The following PARP1 variants were observed in gnomAD, a reference collection of about 807,000 sequenced individuals.
The protein encoded by PARP1 is poly(ADP-ribose) polymerase 1.
Under a neutral mutation model 118.7 loss-of-function variants are expected in PARP1, and 44 were observed. The ratio of observed to expected loss-of-function variants is 0.37; its 90% CI spans 0.29 to 0.48. PARP1 has a LOEUF of 0.48. Among genes scored for constraint, PARP1 ranks in the 20% least tolerant of loss-of-function variants. PARP1 has a pLI of 0.99. For synonymous variants in PARP1, 492 were observed against 483.2 expected (o/e 1.02, Z -0.24); for missense variants, 1,100 against 1,272.4 (o/e 0.86, Z 2.06).
chr1:226,386,570 C>A (rs1044432598), intron 5 of PARP1, 128 bp from the exon 6 acceptor site: 6 of 767,408 alleles, frequency 7.8e-6, no homozygotes, highest in Admixed American at 3.5e-5. Context: ...CCCTGCAAAT[C>A]TGGGTGATTA....
intron 1 of PARP1, among the ~76,000 whole-genome samples, chr1:226,404,956 C>G (rs1665114944): frequency 6.6e-6 from 1 of 152,160 alleles, no homozygotes; most frequent in Non-Finnish European, 1.5e-5. Flanking sequence ...CAGAGCAACT[C>G]AAAGGTCTAC....
intron 2 of PARP1, among the ~76,000 whole-genome samples, chr1:226,396,176 T>C (rs1375815356): frequency 6.6e-6 from 1 of 151,942 alleles, no homozygotes; most frequent in Non-Finnish European, 1.5e-5. Context: ...TGAAACCCCA[T>C]CTCTACTAAA....
chr1:226,380,967 A>G (rs1558237539), intron 9 of PARP1, 101 bp downstream of exon 9: 1 of 1,336,106 alleles, frequency 7.5e-7, no homozygotes, highest in Admixed American at 1.7e-5. Context: ...GTTAAGATCC[A>G]GTTTTTCAGC....
intron 18 of PARP1, among the ~76,000 whole-genome samples, 159 bp downstream of exon 18, chr1:226,365,795 A>AC (rs1168456300): frequency 1.3e-5 from 2 of 150,750 alleles, no homozygotes; most frequent in African/African-American, 2.4e-5. Context: ...CAAACAAACA[A>AC]AAAAAAAACT....
intron 9 of PARP1, 60 bp downstream of exon 9, chr1:226,381,008 C>T (rs1664593618): frequency 1.3e-6 from 2 of 1,591,472 alleles, no homozygotes; most frequent in South Asian, 1.1e-5. Context: ...ACTTACTCGT[C>T]ATCACAATCA....
At chr1:226,372,887 C>T (rs533756212) in intron 14 of PARP1, among the ~76,000 whole-genome samples, 2 of 152,248 alleles carry the variant, frequency 1.3e-5, no homozygotes, top group East Asian at 1.9e-4. Context: ...CCTCCACCTC[C>T]GTCCCTCATT....
At chr1:226,396,939 T>G (rs995606301) in intron 2 of PARP1, among the ~76,000 whole-genome samples, 1 of 152,036 alleles carries the variant, frequency 6.6e-6, no homozygotes, top group Non-Finnish European at 1.5e-5. Flanking sequence ...AACATATCTA[T>G]GCCCCTAAAC....
intron 2 of PARP1, among the ~76,000 whole-genome samples, chr1:226,400,496 C>T (rs1665013350): frequency 6.6e-6 from 1 of 152,242 alleles, no homozygotes; most frequent in African/African-American, 2.4e-5. Context: ...TGTAGTTCAT[C>T]TGTATCCCCA....
intron 13 of PARP1, among the ~76,000 whole-genome samples, chr1:226,376,768 G>A (rs945235966): frequency 2.6e-5 from 4 of 152,166 alleles, no homozygotes; most frequent in African/African-American, 9.7e-5. Context: ...AATCCCACTT[G>A]GGAGTGGTGT....
At chr1:226,367,224 T>C in intron 17 of PARP1, 1 of 517,826 alleles carries the variant, frequency 1.9e-6, no homozygotes. Flanking sequence ...AAAAATAAAT[T>C]TGTACGCCAA....
At chr1:226,372,398 G>A (rs1354062380) in intron 14 of PARP1, among the ~76,000 whole-genome samples, 1 of 152,240 alleles carries the variant, frequency 6.6e-6, no homozygotes, top group Non-Finnish European at 1.5e-5. Context: ...CAGGCTGGGG[G>A]CCATGGCTCA....
rs1465164550 is a variant in PARP1 at position 226,377,877 on chromosome 1, TCAAAG to T, written c.1746-579_1746-575del. Among the ~76,000 whole-genome samples the T allele has an allele frequency of 4.6e-5, 7 of 152,172 alleles. No individual in the cohort carries two copies. In the East Asian group the frequency reaches 1.4e-3, roughly 29 times the overall value. On this transcript the variant is annotated intron_variant, in intron 12 of 22. Transcript: ENST00000366794. ...TTGGATGAGCTAATTTTTGATTAAC[TCAAAG>T]CAGAGGTAATGCAACACTTAATTGT...
chr1:226,374,060 G>C (rs2377312), intron 14 of PARP1, among the ~76,000 whole-genome samples, 166 bp downstream of exon 14: 122,231 of 152,132 alleles, frequency 0.8, 49,574 homozygotes, highest in Middle Eastern at 0.87. Flanking sequence ...AACCACTCCA[G>C]GCCCCAACAC....
chr1:226,368,494 G>C (rs1664317631), intron 15 of PARP1, among the ~76,000 whole-genome samples, 173 bp from the exon 16 acceptor site: 2 of 152,204 alleles, frequency 1.3e-5, no homozygotes, highest in African/African-American at 4.8e-5. Flanking sequence ...TTAAAGAGCA[G>C]GGCAGGACCC....
intron 12 of PARP1, 94 bp downstream of exon 12, chr1:226,379,048 G>C: frequency 6.9e-7 from 1 of 1,448,944 alleles, no homozygotes; most frequent in Non-Finnish European, 9.7e-7. Flanking sequence ...CAGGCACTGG[G>C]CCTAACGGGT....
rs1000277161 is a variant in PARP1 at position 226,388,581 on chromosome 1, G to C, written c.717+75C>G. 15 of 1,056,802 alleles carry C rather than the reference G, an allele frequency of 1.4e-5. 1 individual carries two copies. The South Asian group carries it at 1.9e-4, about 13-fold the overall frequency. 65.5% of individuals were successfully genotyped at this position (1,056,802 alleles called of 1,614,324 possible). On this transcript the variant is annotated intron_variant, in intron 5 of 22. Transcript: ENST00000366794. ...CTTAATAAGTGGGACACAACTCCTT[G>C]AATTGTCTTCCCAGAATGAGAAAGA...
Position 226,379,255 on chromosome 1 carries a change from A to T in PARP1, c.1632T>A (p.His544Gln), listed in dbSNP as rs368710728. The change falls in exon 12 of 23, where the codon CAT (histidine) becomes CAA (glutamine). Residue 544 changes from histidine (H) to glutamine (Q), a missense_variant. Around this residue, in one of 2 missense-constraint regions of PARP1, gnomAD observed 948 missense variants for 1,031.8 expected, o/e 0.92. Coordinates refer to ENST00000366794, the MANE Select transcript of PARP1 (RefSeq NM_001618.4). Reference protein sequence around the residue: ...DPDSGLEHSAHVLEKGGKVFS... With the variant: ...DPDSGLEHSAQVLEKGGKVFS... ...AGACCTTCCCACCTTTCTCCAGGAC[A>T]TGCGCAGAGTGTTCCAGTCCTGTCC... 1 of 1,614,244 alleles carries T rather than the reference A, an allele frequency of 6.2e-7. No homozygotes were observed. Among genetic ancestry groups the T allele is most frequent in the East Asian group, 2.2e-5 (1 of 44,888 alleles).
chr1:226,367,618 CA>C lies in PARP1; in HGVS notation c.2278-11del, dbSNP rs1434248742. 1.9e-6 allele frequency: 3 copies of C among 1,613,808 alleles called. No homozygotes were observed. Among genetic ancestry groups the C allele is most frequent in the Non-Finnish European group, 2.5e-6 (3 of 1,180,038 alleles). ...GCATTTCCACCTTGGCCTGGAGGAG[CA>C]AAAGAAAGCCCCCGACTTAGGTATC... On this transcript the variant is annotated splice_polypyrimidine_tract_variant and intron_variant, in intron 16 of 22. Coordinates refer to ENST00000366794, the MANE Select transcript of PARP1 (RefSeq NM_001618.4).
chr1:226,362,224 C>T (rs1664159531), intron 21 of PARP1, 141 bp from the exon 22 acceptor site: 8 of 635,610 alleles, frequency 1.3e-5, no homozygotes, highest in East Asian at 8.4e-5. Flanking sequence ...GTCTCACTGT[C>T]GCCCAGGCCG....
Sources: allele counts gnomAD v4.1 joint callset (sites outside exome capture counted in the v4.1 genomes callset), GRCh38; gene constraint gnomAD v4.1.1; regional missense constraint gnomAD v4.1.1; transcripts MANE v1.5; gene names NCBI Gene and HGNC (gene_info 2026-07-23, HGNC 2026-07-21).